The following TYW1B variants were observed in gnomAD, a reference collection of about 807,000 sequenced individuals.
TYW1B encodes tRNA-yW synthesizing protein 1 homolog B, also known as S-adenosyl-L-methionine-dependent tRNA 4-demethylwyosine synthase TYW1B.
In TYW1B, 73 loss-of-function variants were observed where a neutral mutation model predicts 86.9. That is an observed-to-expected ratio of 0.84 (90% CI 0.70 to 1.02). The LOEUF (loss-of-function observed/expected upper bound fraction) is 1.02. Among genes scored for constraint, TYW1B ranks in the 50% least tolerant of loss-of-function variants. The pLI, the probability that TYW1B is intolerant of heterozygous loss-of-function variation, is 0.00. For synonymous variants in TYW1B, 248 were observed against 292.8 expected (o/e 0.85, Z 1.56); for missense variants, 637 against 827.4 (o/e 0.77, Z 2.82).
chr7:72,589,681 G>T (rs782129912), intron 13 of TYW1B, among the ~76,000 whole-genome samples: 2 of 152,104 alleles, frequency 1.3e-5, no homozygotes, highest in African/African-American at 2.4e-5. Flanking sequence ...GTTCAAGACC[G>T]GCCTGACCAA....
chr7:72,815,470 T>G lies in TYW1B; in HGVS notation c.147A>C (p.Thr49=). Reference sequence around the variant, plus strand: ...GGGACGTAACTGCTTCAGCAAGAACTGTTGCAAATCCCTAATAGGACAAAA... The same window carrying G: ...GGGACGTAACTGCTTCAGCAAGAACGGTTGCAAATCCCTAATAGGACAAAA... ...QIVIEMQGFA[T]VLAEAVTSLD... Residue 49 remains threonine, a synonymous_variant, in exon 3 of 14, where the codon ACA becomes ACC. Coordinates refer to ENST00000620995, the MANE Select transcript of TYW1B (RefSeq NM_001145440.3). 1 of 1,607,794 alleles carries G rather than the reference T, an allele frequency of 6.2e-7. No individual in the cohort carries two copies. The highest frequency in any genetic ancestry group is 1.1e-5 in the South Asian group (1 of 88,806).
chr7:72,744,618 A>T lies in TYW1B; in HGVS notation c.965-17T>A. On this transcript the variant is annotated splice_polypyrimidine_tract_variant and intron_variant, in intron 7 of 13. Coordinates refer to ENST00000620995, the MANE Select transcript of TYW1B (RefSeq NM_001145440.3). ...GAGCATCGACTATGACAAGTAAACA[A>T]ATCACAATTTGAATAAAATCGTCAA... The T allele has an allele frequency of 1.2e-6, 2 of 1,613,252 alleles. No individual in the cohort carries two copies. The highest frequency in any genetic ancestry group is 3.3e-5 in the Admixed American group (2 of 60,018).
chr7:72,632,899 G>A (rs2844134), intron 11 of TYW1B, among the ~76,000 whole-genome samples: 6 of 152,250 alleles, frequency 3.9e-5, no homozygotes, highest in South Asian at 2.1e-4. Context: ...ACAGCTGGAG[G>A]GCAGCAAAGC....
chr7:72,816,703 T>G (rs1251365918), intron 2 of TYW1B, among the ~76,000 whole-genome samples: 6 of 152,178 alleles, frequency 3.9e-5, no homozygotes, highest in East Asian at 1.9e-4. Flanking sequence ...GGCTGGAGAT[T>G]GAGCTTAATC....
chr7:72,601,767 TAAAA>T (rs1163024290), intron 13 of TYW1B, among the ~76,000 whole-genome samples: 1 of 133,218 alleles, frequency 7.5e-6, no homozygotes, highest in Non-Finnish European at 1.6e-5. Flanking sequence ...AAAAAAAGGT[TAAAA>T]AAAAAAAAAG....
chr7:72,627,456 G>GTAACA (rs368171802), intron 12 of TYW1B, among the ~76,000 whole-genome samples: 26,290 of 124,116 alleles, frequency 0.21, 2,767 homozygotes, highest in Admixed American at 0.25. Flanking sequence ...TCAAAAAACA[G>GTAACA]TAACATAACA....
At chr7:72,657,631 G>A (rs575561686) in intron 11 of TYW1B, among the ~76,000 whole-genome samples, 4 of 152,274 alleles carry the variant, frequency 2.6e-5, no homozygotes, top group African/African-American at 9.6e-5. Flanking sequence ...ATTAGACTAA[G>A]AGCAAATTTC....
chr7:72,619,673 A>G (rs1812169828), intron 12 of TYW1B, among the ~76,000 whole-genome samples: 2 of 151,078 alleles, frequency 1.3e-5, no homozygotes, highest in East Asian at 2.0e-4. Flanking sequence ...AAAAGAAATC[A>G]TTACGAAAGC....
intron 7 of TYW1B, among the ~76,000 whole-genome samples, chr7:72,776,690 C>T (rs1787961687): frequency 1.5e-5 from 2 of 137,564 alleles, no homozygotes; most frequent in African/African-American, 2.7e-5. Flanking sequence ...TGAAAGAACA[C>T]AGAAAAACAG....
chr7:72,677,862 C>T (rs1476650226), intron 11 of TYW1B, among the ~76,000 whole-genome samples: 3 of 151,976 alleles, frequency 2.0e-5, no homozygotes, highest in East Asian at 3.9e-4. Flanking sequence ...CCACCATGCC[C>T]GGCTAATTTT....
intron 9 of TYW1B, among the ~76,000 whole-genome samples, chr7:72,719,656 A>C (rs1786858615): frequency 6.8e-6 from 1 of 146,996 alleles, no homozygotes; most frequent in African/African-American, 2.5e-5. Flanking sequence ...AAAAAAAAGA[A>C]GGTGATAGGC....
intron 8 of TYW1B, among the ~76,000 whole-genome samples, chr7:72,741,712 G>A (rs1787307874): frequency 6.6e-6 from 1 of 152,126 alleles, no homozygotes; most frequent in African/African-American, 2.4e-5. Context: ...GGAAGAATAA[G>A]ACAAAGAAAG....
intron 9 of TYW1B, chr7:72,722,966 C>T: frequency 1.4e-6 from 1 of 710,636 alleles, no homozygotes; most frequent in Non-Finnish European, 2.6e-6. Context: ...GCCTCCCCAC[C>T]AGATGCCCTG....
At chr7:72,695,412 G>A (rs1258900021) in intron 10 of TYW1B, among the ~76,000 whole-genome samples, 3 of 152,100 alleles carry the variant, frequency 2.0e-5, no homozygotes, top group Non-Finnish European at 4.4e-5. Flanking sequence ...TAAAACAGTA[G>A]AAACCTCATA....
chr7:72,632,089 G>T (rs1812505344), intron 11 of TYW1B, among the ~76,000 whole-genome samples: 1 of 150,976 alleles, frequency 6.6e-6, no homozygotes. Flanking sequence ...TTGAGGCCAA[G>T]AATTCGAGAC....
intron 5 of TYW1B, among the ~76,000 whole-genome samples, chr7:72,803,758 C>T (rs565216209): frequency 9.5e-4 from 144 of 151,920 alleles, no homozygotes; most frequent in Non-Finnish European, 1.5e-3. Context: ...GGACTACAGG[C>T]ATGCACCATC....
At chr7:72,592,173 A>T (rs1401060062) in intron 13 of TYW1B, among the ~76,000 whole-genome samples, 2 of 151,524 alleles carry the variant, frequency 1.3e-5, no homozygotes, top group East Asian at 1.9e-4. Context: ...AAAAAAAAAA[A>T]AAAAAAAAAA....
At chr7:72,757,896 C>A (rs1787619773) in intron 7 of TYW1B, among the ~76,000 whole-genome samples, 1 of 152,134 alleles carries the variant, frequency 6.6e-6, no homozygotes, top group Non-Finnish European at 1.5e-5. Context: ...ATAATGACTT[C>A]AAAACAATTC....
chr7:72,781,516 C>T (rs1460628358), intron 6 of TYW1B, among the ~76,000 whole-genome samples: 4 of 152,118 alleles, frequency 2.6e-5, no homozygotes, highest in Non-Finnish European at 4.4e-5. Flanking sequence ...CCTTGCCAGT[C>T]GACTCCCAGT....
Sources: gnomAD v4.1 joint callset for allele counts (sites outside exome capture counted in the v4.1 genomes callset) on GRCh38, gnomAD v4.1.1 for gene constraint, MANE v1.5 for transcripts, NCBI Gene and HGNC (gene_info 2026-07-23, HGNC 2026-07-21) for gene names.